WWP2: variants seen among roughly 807,000 people sequenced by gnomAD.
The protein encoded by WWP2 is WW domain containing E3 ubiquitin protein ligase 2.
WWP2 carries 57 observed loss-of-function variants against 121.0 expected under a neutral mutation model. The ratio of observed to expected loss-of-function variants is 0.47; its 90% confidence interval spans 0.38 to 0.59. The LOEUF (loss-of-function observed/expected upper bound fraction) is 0.59. Ranked by LOEUF, WWP2 falls within the 20% of genes least tolerant of loss-of-function variation. The probability of loss-of-function intolerance (pLI) is 0.00; values close to 1 mark genes in which losing one functional copy is unlikely to be tolerated. For missense variants in WWP2, 962 were observed against 1,158.9 expected (o/e 0.83, Z 2.47); for synonymous variants, 449 against 441.3 (o/e 1.02, Z -0.22).
intron 4 of WWP2, among the ~76,000 whole-genome samples, chr16:69,820,323 C>A (rs183033269): frequency 0.018 from 2,713 of 152,238 alleles, 67 homozygotes; most frequent in African/African-American, 0.059. Flanking sequence ...CTCACTGCAA[C>A]CTCCGCCTCC....
Position 69,934,136 on chromosome 16 carries a change from G to T in WWP2, c.1842+7G>T. The stretch of plus-strand genomic sequence containing the variant: ...AGGCAGATTCATCGCCATGGTAAGG[G>T]GGCCCCAGGGGTCTGCCTAGTTCCC... On this transcript the variant is annotated splice_region_variant and intron_variant, in intron 17 of 23. Transcript: ENST00000359154. The T allele has an allele frequency of 6.2e-7, 1 of 1,614,030 alleles. No homozygotes were observed. Among genetic ancestry groups the T allele is most frequent in the East Asian group, 2.2e-5 (1 of 44,884 alleles).
chr16:69,907,882 A>G (rs1318406730), intron 8 of WWP2, among the ~76,000 whole-genome samples: 1 of 152,224 alleles, frequency 6.6e-6, no homozygotes, highest in Non-Finnish European at 1.5e-5. Context: ...AATGAATCTT[A>G]TATTACAAAA....
chr16:69,811,991 T>G (rs1274059446), intron 4 of WWP2, among the ~76,000 whole-genome samples: 1 of 152,058 alleles, frequency 6.6e-6, no homozygotes, highest in Non-Finnish European at 1.5e-5. Context: ...AATTTCCCGT[T>G]TTTGCAGTGT....
intron 1 of WWP2, among the ~76,000 whole-genome samples, chr16:69,778,547 G>T (rs1440079338): frequency 1.3e-5 from 2 of 152,076 alleles, no homozygotes; most frequent in Non-Finnish European, 2.9e-5. Flanking sequence ...TGGGGATTTG[G>T]ACCTAATACG....
At chr16:69,910,350 C>T in intron 9 of WWP2, 2 of 981,528 alleles carry the variant, frequency 2.0e-6, no homozygotes, top group Non-Finnish European at 2.4e-6. Flanking sequence ...ATGTATTACA[C>T]ACTTGTACTT....
chr16:69,875,667 C>T (rs1207404600), intron 7 of WWP2, among the ~76,000 whole-genome samples: 1 of 152,216 alleles, frequency 6.6e-6, no homozygotes, highest in African/African-American at 2.4e-5. Flanking sequence ...AAACTGCTTT[C>T]TTTGCTCATC....
intron 9 of WWP2, chr16:69,909,986 C>T (rs117196148): frequency 3.2e-4 from 50 of 154,626 alleles, no homozygotes; most frequent in Non-Finnish European, 5.7e-4. Flanking sequence ...TATTTGTTGA[C>T]TTATTGTTTT....
At chr16:69,900,202 G>A (rs1339897787) in intron 8 of WWP2, among the ~76,000 whole-genome samples, 2 of 152,170 alleles carry the variant, frequency 1.3e-5, no homozygotes, top group African/African-American at 2.4e-5. Flanking sequence ...TAATTAAACG[G>A]TATTCACATA....
chr16:69,799,062 T>C lies in WWP2; in HGVS notation c.219-112T>C, dbSNP rs193005441. 4,617 of 1,484,454 alleles carry C rather than the reference T, an allele frequency of 3.1e-3. 16 individuals carry two copies. Among genetic ancestry groups the C allele is most frequent in the Non-Finnish European group, 3.7e-3 (4,055 of 1,100,858 alleles). 92.0% of individuals were successfully genotyped at this position (1,484,454 alleles called of 1,614,324 possible). ...AGGGGAAAGGATATATGTGGGTGTCTGCCTGTTTTGGTTCCCCCTCCCCAA... is the reference window on the plus strand; with the variant it reads ...AGGGGAAAGGATATATGTGGGTGTCCGCCTGTTTTGGTTCCCCCTCCCCAA... On this transcript the variant is annotated intron_variant, in intron 3 of 23. Coordinates refer to ENST00000359154, the MANE Select transcript of WWP2 (RefSeq NM_001270454.2). This position sits in a 1 kb window ranked among gnomAD's most constrained non-coding sequence, Gnocchi z 4.5.
intron 6 of WWP2, among the ~76,000 whole-genome samples, chr16:69,866,384 A>G (rs141746704): frequency 0.023 from 3,555 of 151,860 alleles, 63 homozygotes; most frequent in Non-Finnish European, 0.035. Context: ...CAGCCTCCCA[A>G]AGTGCTGGGA....
intron 8 of WWP2, among the ~76,000 whole-genome samples, chr16:69,899,750 A>AAAAAC (rs2058171310): frequency 6.6e-6 from 1 of 151,300 alleles, no homozygotes; most frequent in Non-Finnish European, 1.5e-5. Flanking sequence ...AAAAAAAAAA[A>AAAAAC]ATCAAGTTGT....
chr16:69,786,969 G>T (rs751617865), intron 1 of WWP2, 27 bp from the exon 2 acceptor site: 29 of 1,574,324 alleles, frequency 1.8e-5, no homozygotes, highest in African/African-American at 4.1e-5. Context: ...GATATTCTCT[G>T]AATTCTTTTT....
At chr16:69,912,940 AAAAAAAAAAAAAAAAATATATAT>A (rs2058409587) in intron 9 of WWP2, among the ~76,000 whole-genome samples, 1 of 2,278 alleles carries the variant, frequency 4.4e-4, no homozygotes, top group Non-Finnish European at 7.3e-4. Flanking sequence ...AAAAAAAAAA[AAAAAAAAAAAAAAAAATATATAT>A]ATATATATAT....
intron 6 of WWP2, among the ~76,000 whole-genome samples, chr16:69,859,239 CT>C (rs2057373112): frequency 6.6e-6 from 1 of 152,140 alleles, no homozygotes; most frequent in Admixed American, 6.5e-5. Flanking sequence ...TCTGCATACA[CT>C]GGGGAAGAAT....
At position 69,940,009 on chromosome 16, in the gene WWP2, T is replaced by TGGCCCCGCAGCCCTTGGGAGGCCCCC. The variant is rs2058858690; in HGVS notation, c.*71_*96dup. 8.2e-6 allele frequency: 11 copies of TGGCCCCGCAGCCCTTGGGAGGCCCCC among 1,341,446 alleles called. No individual in the cohort carries two copies. Among genetic ancestry groups the TGGCCCCGCAGCCCTTGGGAGGCCCCC allele is most frequent in the Non-Finnish European group, 6.2e-6 (6 of 962,046 alleles). The allele number at this position is 1,341,446 out of a possible 1,614,324, so 83.1% of individuals were successfully genotyped here. A position where few individuals can be genotyped will look rare whatever the true frequency, so the allele number is the denominator to read the frequency against. ...GAGTCCTCCCTGCCTGAGAGGCCAC[T>TGGCCCCGCAGCCCTTGGGAGGCCCCC]GGCCCCGCAGCCCTTGGGAGGCCCC... On this transcript the variant is annotated 3_prime_UTR_variant, in exon 24 of 24. Coordinates refer to ENST00000359154, the MANE Select transcript of WWP2 (RefSeq NM_001270454.2).
intron 6 of WWP2, among the ~76,000 whole-genome samples, chr16:69,861,392 G>A (rs1942896813): frequency 6.6e-6 from 1 of 152,122 alleles, no homozygotes; most frequent in Non-Finnish European, 1.5e-5. Flanking sequence ...TAATGAAATT[G>A]CCACCTTTGA....
rs181239283 is a variant in WWP2, at chr16:69,812,794, G to C, written c.340+13499G>C. Among the ~76,000 whole-genome samples, 30 of 152,190 alleles carry C rather than the reference G, an allele frequency of 2.0e-4. No homozygotes were observed. The East Asian group carries it at 3.9e-3, about 20-fold the overall frequency. ...TATCTGGGAGCTCATGACTCAGCTTGTTTATTATTGATGACATTAACTTTC... is the reference window on the plus strand; with the variant it reads ...TATCTGGGAGCTCATGACTCAGCTTCTTTATTATTGATGACATTAACTTTC... On this transcript the variant is annotated intron_variant, in intron 4 of 23. Transcript: ENST00000359154.
chr16:69,911,640 A>G (rs1277224801), intron 9 of WWP2, among the ~76,000 whole-genome samples: 1 of 152,190 alleles, frequency 6.6e-6, no homozygotes, highest in African/African-American at 2.4e-5. Flanking sequence ...CAAGATTTCA[A>G]CTGAAATAAA....
At position 69,909,707 on chromosome 16, in the gene WWP2, G is replaced by C. The variant is rs1024987388; in HGVS notation, c.1004+857G>C. 9.1e-6 allele frequency: 9 copies of C among 984,322 alleles called. No homozygotes were observed. In the African/African-American group the frequency reaches 1.6e-4, roughly 17 times the overall value. The allele number at this position is 984,322 out of a possible 1,614,324, so 61.0% of individuals were successfully genotyped here. ...AGTTAAACATGGACTTCTCAAATTA[G>C]AAAAAAACAAACAACAAAAAAACAG... On this transcript the variant is annotated intron_variant, in intron 9 of 23. Transcript: ENST00000359154.
Sources: gnomAD v4.1 joint callset for allele counts (sites outside exome capture counted in the v4.1 genomes callset) on GRCh38, gnomAD v4.1.1 for gene constraint, Gnocchi (gnomAD v3.1) non-coding constraint, MANE v1.5 for transcripts, NCBI Gene and HGNC (gene_info 2026-07-23, HGNC 2026-07-21) for gene names.